CLUL1: variants seen among roughly 807,000 people sequenced by gnomAD.
The protein encoded by CLUL1 is clusterin like 1.
A neutral mutation model predicts 49.4 loss-of-function variants in CLUL1; 43 were observed. The observed-to-expected ratio is 0.87, with a 90% CI of 0.68 to 1.12. CLUL1 has a LOEUF of 1.12. Among genes scored for constraint, CLUL1 ranks in the 50% most tolerant of loss-of-function variants. The pLI is 0.00. For missense variants in CLUL1, 486 were observed against 544.4 expected (o/e 0.89, Z 1.07); for synonymous variants, 192 against 184.9 (o/e 1.04, Z -0.31).
At chr18:637,864 C>T (rs1266099883) in intron 7 of CLUL1, among the ~76,000 whole-genome samples, 5 of 152,108 alleles carry the variant, frequency 3.3e-5, no homozygotes, top group Admixed American at 2.6e-4. Flanking sequence ...ATCCCAGCTA[C>T]TCAGGAGGCT....
intron 9 of CLUL1, among the ~76,000 whole-genome samples, chr18:645,808 AAAATATATATATATATATATATAT>A (rs2074477917): frequency 1.1e-4 from 6 of 56,912 alleles, no homozygotes; most frequent in East Asian, 4.1e-4. Context: ...AAAAAAAAAA[AAAATATATATATATATATATATAT>A]ATATATATAT....
chr18:621,102 C>T (rs2144019986), intron 4 of CLUL1, among the ~76,000 whole-genome samples: 1 of 152,202 alleles, frequency 6.6e-6, no homozygotes, highest in Middle Eastern at 3.4e-3. Flanking sequence ...TGTTGTGCAA[C>T]CAATCTCCAG....
intron 6 of CLUL1, 39 bp downstream of exon 6, chr18:627,568 C>T: frequency 6.9e-7 from 1 of 1,449,052 alleles, no homozygotes; most frequent in Non-Finnish European, 9.4e-7. Flanking sequence ...GAGGTTTACA[C>T]TAAAGTCAAG....
chr18:634,335 T>C (rs1229155649), intron 7 of CLUL1, among the ~76,000 whole-genome samples: 1 of 152,128 alleles, frequency 6.6e-6, no homozygotes, highest in Non-Finnish European at 1.5e-5. Flanking sequence ...GGTTTCACCA[T>C]ATTGGCCAGG....
chr18:646,497 GACACACACACACACACACACACACACAC>G (rs56076402), intron 9 of CLUL1, among the ~76,000 whole-genome samples: 2 of 141,274 alleles, frequency 1.4e-5, no homozygotes, highest in Admixed American at 7.1e-5. Flanking sequence ...CAGATAGATA[GACACACACACACACACACACACACACAC>G]ACACACACAC....
chr18:614,612 G>A (rs1015704271), intron 2 of CLUL1: 4 of 152,202 alleles, frequency 2.6e-5, no homozygotes, highest in Non-Finnish European at 5.9e-5. Context: ...AAAGCAGAGT[G>A]CTATTTGATT....
At chr18:603,955 A>C (rs1476187124) in intron 1 of CLUL1, among the ~76,000 whole-genome samples, 2 of 152,176 alleles carry the variant, frequency 1.3e-5, no homozygotes, top group Admixed American at 6.5e-5. Context: ...ATCTTGGCTC[A>C]TTGCAGCCTC....
At chr18:601,578 C>T (rs924472845) in intron 1 of CLUL1, among the ~76,000 whole-genome samples, 6 of 151,576 alleles carry the variant, frequency 4.0e-5, no homozygotes, top group Non-Finnish European at 8.8e-5. Context: ...ACCAGGGAGT[C>T]GGAGGTTGCA....
chr18:646,680 T>C (rs1434117035), intron 9 of CLUL1, among the ~76,000 whole-genome samples: 1 of 151,770 alleles, frequency 6.6e-6, no homozygotes, highest in Admixed American at 6.6e-5. Context: ...CCTCTCTTCC[T>C]CTCCTCCTCT....
At chr18:647,351 G>T (rs577034014) in intron 9 of CLUL1, among the ~76,000 whole-genome samples, 1 of 152,296 alleles carries the variant, frequency 6.6e-6, no homozygotes, top group East Asian at 1.9e-4. Context: ...TGCCCTCTGT[G>T]AGTTTGAGTT....
chr18:636,988 T>C lies in CLUL1; in HGVS notation c.994+3553T>C, dbSNP rs548827492. Among the ~76,000 whole-genome samples the C allele has an allele frequency of 5.8e-4, 88 of 151,174 alleles. 1 individual carries two copies. The highest frequency in any genetic ancestry group is 3.1e-3 in the East Asian group (16 of 5,112). The stretch of plus-strand genomic sequence containing the variant: ...TTGTTTTTTTTGTTTTGTTTTGTTT[T>C]TGTTTTTGTTTTTTTTGAGACGGAG... On this transcript the variant is annotated intron_variant, in intron 7 of 9. Coordinates refer to ENST00000692774, the MANE Select transcript of CLUL1 (RefSeq NM_001393344.1).
At chr18:645,718 C>T (rs1219700380) in intron 9 of CLUL1, among the ~76,000 whole-genome samples, 12 of 143,032 alleles carry the variant, frequency 8.4e-5, no homozygotes, top group South Asian at 2.3e-4. Context: ...GGCGTGAACC[C>T]GGGAGGCAGA....
intron 1 of CLUL1, among the ~76,000 whole-genome samples, chr18:605,455 C>T (rs957354046): frequency 6.6e-6 from 1 of 151,790 alleles, no homozygotes; most frequent in African/African-American, 2.4e-5. Context: ...TGGTATAACC[C>T]TGTGTGTACA....
chr18:615,014 C>A (rs11660343), intron 2 of CLUL1, among the ~76,000 whole-genome samples: 15,239 of 152,234 alleles, frequency 0.1, 971 homozygotes, highest in Admixed American at 0.18. Flanking sequence ...ATTTTGAAAT[C>A]CATCTGATTC....
At chr18:636,121 G>T (rs1056867028) in intron 7 of CLUL1, among the ~76,000 whole-genome samples, 2 of 152,046 alleles carry the variant, frequency 1.3e-5, no homozygotes, top group African/African-American at 2.4e-5. Context: ...TACTAATAAA[G>T]GTTACCTTTG....
chr18:613,410 T>G (rs996510930), intron 2 of CLUL1: 64 of 255,862 alleles, frequency 2.5e-4, no homozygotes, highest in Middle Eastern at 2.7e-3. Flanking sequence ...AGTGTTGGGA[T>G]TACAGGCATG....
chr18:613,353 G>T (rs1384464741), intron 2 of CLUL1: 2 of 294,542 alleles, frequency 6.8e-6, no homozygotes, highest in East Asian at 5.3e-5. Flanking sequence ...TGGCCAGGCT[G>T]GTCTTGAACT....
intron 8 of CLUL1, among the ~76,000 whole-genome samples, chr18:643,029 T>C (rs1324619248): frequency 6.6e-6 from 1 of 152,180 alleles, no homozygotes; most frequent in Non-Finnish European, 1.5e-5. Context: ...ATCCAGCATT[T>C]CCCTCTTTTT....
intron 6 of CLUL1, 173 bp downstream of exon 6, chr18:627,702 A>C: frequency 1.9e-6 from 1 of 512,846 alleles, no homozygotes; most frequent in Non-Finnish European, 3.4e-6. Context: ...GCTAAACACC[A>C]TCCCTCTTCC....
Sources: allele counts gnomAD v4.1 joint callset (sites outside exome capture counted in the v4.1 genomes callset), GRCh38; gene constraint gnomAD v4.1.1; transcripts MANE v1.5; gene names NCBI Gene and HGNC (gene_info 2026-07-23, HGNC 2026-07-21).